The following RELN variants were observed in gnomAD, a reference collection of about 807,000 sequenced individuals.
RELN encodes the protein reelin.
A neutral mutation model predicts 427.6 loss-of-function variants in RELN; 108 were observed. The observed-to-expected ratio is 0.25, with a 90% CI of 0.22 to 0.30. The LOEUF is 0.30. RELN is among the 10% of genes least tolerant of loss of function. The pLI, the probability that RELN is intolerant of heterozygous loss-of-function variation, is 1.00. For missense variants in RELN, 3,715 were observed against 4,302.8 expected (o/e 0.86, Z 3.82); for synonymous variants, 1,524 against 1,513.4 (o/e 1.01, Z -0.16).
At chr7:103,899,399 G>T (rs58835721) in intron 2 of RELN, among the ~76,000 whole-genome samples, 65,303 of 151,810 alleles carry the variant, frequency 0.43, 14,480 homozygotes, top group East Asian at 0.74. Context: ...CTGAAACTAT[G>T]CCGAACATTA....
Position 103,553,126 on chromosome 7 carries a change from C to G in RELN, c.6072+335G>C, listed in dbSNP as rs535444238. Reference sequence around the variant, plus strand: ...TAGACTATAGTTACATTGACCTAGTCCCTAAGAAATTTTAAGTTTCACATA... The same window carrying G: ...TAGACTATAGTTACATTGACCTAGTGCCTAAGAAATTTTAAGTTTCACATA... On this transcript the variant is annotated intron_variant, in intron 40 of 64. Coordinates refer to ENST00000428762, the MANE Select transcript of RELN (RefSeq NM_005045.4). 1.1e-4 allele frequency among the ~76,000 whole-genome samples: 16 copies of G among 152,072 alleles called. No homozygotes were observed. In the South Asian group the frequency reaches 2.9e-3, roughly 28 times the overall value.
intron 3 of RELN, among the ~76,000 whole-genome samples, chr7:103,826,644 C>T (rs747701825): frequency 1.2e-4 from 19 of 152,008 alleles, no homozygotes; most frequent in East Asian, 3.9e-4. Context: ...TTTGGAAAAA[C>T]GAAATTTCAC....
At position 103,489,767 on chromosome 7, in the gene RELN, G is replaced by T. The variant is rs1282430850; in HGVS notation, c.9738C>A (p.Ile3246=). The T allele has an allele frequency of 6.2e-7, 1 of 1,614,156 alleles. No homozygotes were observed. The highest frequency in any genetic ancestry group is 2.2e-5 in the East Asian group (1 of 44,858). ...CTTGGAAGCTCTCGTCGCAGATGCA[G>T]ATGGCACCGGTCGTGCAGTATCCGT... The part of the protein sequence containing the change: ...SGHGYCTTGA[I]CICDESFQGD... Residue 3246 remains isoleucine, a synonymous_variant, in exon 60 of 65, where the codon ATC becomes ATA. Coordinates refer to ENST00000428762, the MANE Select transcript of RELN (RefSeq NM_005045.4).
At chr7:103,730,053 T>C (rs1437921395) in intron 6 of RELN, among the ~76,000 whole-genome samples, 1 of 152,094 alleles carries the variant, frequency 6.6e-6, no homozygotes, top group Non-Finnish European at 1.5e-5. Context: ...TAGTGAGAGA[T>C]GAAGGTTATT....
At position 103,496,762 on chromosome 7, in the gene RELN, G is replaced by A. The variant is rs984822922; in HGVS notation, c.8957C>T (p.Thr2986Ile). The change falls in exon 56 of 65, where the codon ACC (threonine) becomes ATC (isoleucine). Residue 2986 changes from threonine (T) to isoleucine (I), a missense_variant. Around this residue, in one of 4 missense-constraint regions of RELN, gnomAD observed 1,310 missense variants for 1,643.0 expected, o/e 0.80. Coordinates refer to ENST00000428762, the MANE Select transcript of RELN (RefSeq NM_005045.4). ...LLDYSTDGGITWTLLHEMDYQ... is the reference protein window; with the variant it reads ...LLDYSTDGGIIWTLLHEMDYQ... ...ATCCATCTCATGGAGCAAAGTCCAG[G>A]TAATTCCTATAATAACAAATATACC... The A allele has an allele frequency of 6.8e-6, 11 of 1,613,848 alleles. No individual in the cohort carries two copies. Among genetic ancestry groups the A allele is most frequent in the Non-Finnish European group, 9.3e-6 (11 of 1,179,854 alleles).
chr7:103,960,935 G>A (rs17313716), intron 1 of RELN, among the ~76,000 whole-genome samples: 63,073 of 152,158 alleles, frequency 0.41, 13,222 homozygotes, highest in Non-Finnish European at 0.45. Flanking sequence ...TAACAAGCTC[G>A]GGCAAACTTT....
At chr7:103,533,439 G>A (rs998171110) in intron 46 of RELN, among the ~76,000 whole-genome samples, 2 of 151,074 alleles carry the variant, frequency 1.3e-5, no homozygotes, top group African/African-American at 2.4e-5. Flanking sequence ...ACTCATGTTC[G>A]AAACAAGTAA....
intron 28 of RELN, among the ~76,000 whole-genome samples, chr7:103,588,123 T>C (rs1831320737): frequency 6.6e-6 from 1 of 152,176 alleles, no homozygotes; most frequent in Non-Finnish European, 1.5e-5. Flanking sequence ...ATAGCTAAGA[T>C]ATGCAATCAA....
intron 1 of RELN, among the ~76,000 whole-genome samples, chr7:103,949,455 T>C (rs1796289671): frequency 1.3e-5 from 2 of 151,974 alleles, no homozygotes; most frequent in African/African-American, 2.4e-5. Flanking sequence ...AATTAGGTCA[T>C]AAACGAGGAG....
At chr7:103,693,555 AT>A (rs1211786506) in intron 10 of RELN, among the ~76,000 whole-genome samples, 26 of 150,598 alleles carry the variant, frequency 1.7e-4, no homozygotes, top group Admixed American at 4.6e-4. Context: ...TAAAAAAAAA[AT>A]AAAAAATAAA....
At chr7:103,627,499 G>C (rs1427489990) in intron 20 of RELN, among the ~76,000 whole-genome samples, 1 of 152,046 alleles carries the variant, frequency 6.6e-6, no homozygotes, top group Admixed American at 6.6e-5. Flanking sequence ...TAAGAAAATA[G>C]GAACAGTTTG....
In RELN at chr7:103,603,814, T is replaced by C. The variant is rs191111212; in HGVS notation, c.3147-324A>G. Among the ~76,000 whole-genome samples, 4 of 152,300 alleles carry C rather than the reference T, an allele frequency of 2.6e-5. No individual in the cohort carries two copies. The highest frequency in any genetic ancestry group is 2.0e-4 in the Admixed American group (3 of 15,292). On this transcript the variant is annotated intron_variant, in intron 23 of 64. Coordinates refer to ENST00000428762, the MANE Select transcript of RELN (RefSeq NM_005045.4). This position sits in a 1 kb window ranked among gnomAD's most constrained non-coding sequence, Gnocchi z 4.3. ...GCTGAGGGATAGTGGGATTTCCCTA[T>C]TGCCTTAAAAAATCACATATAAATG...
chr7:103,826,116 C>T (rs548583047), intron 3 of RELN, among the ~76,000 whole-genome samples: 2 of 152,118 alleles, frequency 1.3e-5, no homozygotes, highest in Admixed American at 1.3e-4. Context: ...ATGAGATGGG[C>T]TCCTTTCTTC....
chr7:103,922,453 T>C (rs1795637272), intron 1 of RELN, among the ~76,000 whole-genome samples: 1 of 152,096 alleles, frequency 6.6e-6, no homozygotes, highest in Admixed American at 6.6e-5. Context: ...TTTCCTCAAA[T>C]AAAATATAAG....
chr7:103,865,398 T>C (rs1794174854), intron 2 of RELN, among the ~76,000 whole-genome samples: 1 of 152,126 alleles, frequency 6.6e-6, no homozygotes, highest in Admixed American at 6.6e-5. Flanking sequence ...ACTCATTTTA[T>C]GAGGCCAGCA....
Position 103,522,059 on chromosome 7 carries a change from CCA to C in RELN, c.7629_7630del (p.Cys2543TrpfsTer16). The C allele has an allele frequency of 1.2e-6, 2 of 1,614,128 alleles. No homozygotes were observed. Among genetic ancestry groups the C allele is most frequent in the Non-Finnish European group, 1.7e-6 (2 of 1,180,016 alleles). On this transcript the variant is annotated frameshift_variant, in exon 48 of 65. Transcript: ENST00000428762. LOFTEE classifies it high-confidence loss of function. Reference sequence around the variant, plus strand: ...GAGAGCCATTCCCGACGCCACGGCTCCACACACTGTACTCAATTTCCCTCCGT... The same window carrying C: ...GAGAGCCATTCCCGACGCCACGGCTCCACACTGTACTCAATTTCCCTCCGT...
intron 2 of RELN, among the ~76,000 whole-genome samples, chr7:103,845,109 G>C (rs1275109760): frequency 6.6e-6 from 1 of 151,882 alleles, no homozygotes; most frequent in African/African-American, 2.4e-5. Context: ...CTGCCATATA[G>C]AAACAGCTCC....
At position 103,727,593 on chromosome 7, in the gene RELN, T is replaced by G. The variant is rs145570642; in HGVS notation, c.753+518A>C. ...CAATCTGAAGTAAAGGAAAATAATCTGCTTCTAAGTAATTTGAGATGAATC... is the reference window on the plus strand; with the variant it reads ...CAATCTGAAGTAAAGGAAAATAATCGGCTTCTAAGTAATTTGAGATGAATC... On this transcript the variant is annotated intron_variant, in intron 7 of 64. Coordinates refer to ENST00000428762, the MANE Select transcript of RELN (RefSeq NM_005045.4). Among the ~76,000 whole-genome samples, 404 of 152,346 alleles carry G rather than the reference T, an allele frequency of 2.7e-3. 3 individuals are homozygous for G. Among genetic ancestry groups the G allele is most frequent in the African/African-American group, 8.9e-3 (372 of 41,592 alleles).
At chr7:103,862,433 AT>A (rs1794093963) in intron 2 of RELN, among the ~76,000 whole-genome samples, 7 of 151,586 alleles carry the variant, frequency 4.6e-5, no homozygotes, top group Admixed American at 4.6e-4. Context: ...CTATCTATCT[AT>A]CTATCTATCT....
Sources: allele counts gnomAD v4.1 joint callset (sites outside exome capture counted in the v4.1 genomes callset), GRCh38; gene constraint gnomAD v4.1.1; regional missense constraint gnomAD v4.1.1; non-coding constraint Gnocchi (gnomAD v3.1); transcripts MANE v1.5; gene names NCBI Gene and HGNC (gene_info 2026-07-23, HGNC 2026-07-21).